The following PLG variants were observed in gnomAD, a reference collection of about 807,000 sequenced individuals.
PLG encodes plasmin.
Under a neutral mutation model 104.4 loss-of-function variants are expected in PLG, and 41 were observed. That is an observed-to-expected ratio of 0.39 (90% CI 0.31 to 0.51). The LOEUF is 0.51. PLG is among the 20% of genes least tolerant of loss of function. PLG has a pLI of 0.76. For missense variants in PLG, 891 were observed against 1,003.6 expected (o/e 0.89, Z 1.52); for synonymous variants, 337 against 357.1 (o/e 0.94, Z 0.63).
At position 160,753,109 on chromosome 6, in the gene PLG, G is replaced by A. The variant is rs150437480; in HGVS notation, c.*48G>A. 8.5e-4 allele frequency: 983 copies of A among 1,157,274 alleles called. 14 individuals are homozygous for A. In the East Asian group the frequency reaches 0.024, roughly 28 times the overall value. 71.7% of individuals were successfully genotyped at this position (1,157,274 alleles called of 1,614,324 possible). ...CACTGACTCACCTAGAGGCTGGAAC[G>A]TGGGTAGGGATTTAGCATGCTGGAA... On this transcript the variant is annotated 3_prime_UTR_variant, in exon 19 of 19. Coordinates refer to ENST00000308192, the MANE Select transcript of PLG (RefSeq NM_000301.5). The surrounding 1 kb of genome is among the most constrained non-coding windows in gnomAD (Gnocchi z 5.4).
chr6:160,722,057 C>G (rs751466829), intron 9 of PLG, among the ~76,000 whole-genome samples: 1 of 152,112 alleles, frequency 6.6e-6, no homozygotes, highest in Non-Finnish European at 1.5e-5. Flanking sequence ...CCACTGACAG[C>G]CACTCACCAC....
Position 160,737,598 on chromosome 6 carries a change from CT to C in PLG, c.1802+594del. Among the ~76,000 whole-genome samples, 1 of 152,300 alleles carries C rather than the reference CT, an allele frequency of 6.6e-6. No homozygotes were observed. Among genetic ancestry groups the C allele is most frequent in the Non-Finnish European group, 1.5e-5 (1 of 68,020 alleles). ...TGGGTATTGTTTCAGTGGAACATGC[CT>C]TTCATAAGTTCCATTTTCTTGGGTA... On this transcript the variant is annotated intron_variant, in intron 14 of 18. Coordinates refer to ENST00000308192, the MANE Select transcript of PLG (RefSeq NM_000301.5). The surrounding 1 kb of genome is among the most constrained non-coding windows in gnomAD (Gnocchi z 4.7).
rs1778254114 is a variant in PLG at position 160,744,923 on chromosome 6, T to C, written c.2125+3506T>C. Among the ~76,000 whole-genome samples the C allele has an allele frequency of 1.3e-5, 2 of 152,226 alleles. No homozygotes were observed. Among genetic ancestry groups the C allele is most frequent in the Non-Finnish European group, 1.5e-5 (1 of 68,034 alleles). On this transcript the variant is annotated intron_variant, in intron 17 of 18. Transcript: ENST00000308192. The surrounding 1 kb of genome is among the most constrained non-coding windows in gnomAD (Gnocchi z 4.5). ...AATTTCATTATTCACCCAAAAGTCA[T>C]TCAGGAGCATGTTGTTTGATTTCCA...
chr6:160,708,970 T>A (rs34126283), intron 3 of PLG, among the ~76,000 whole-genome samples: 46,130 of 147,834 alleles, frequency 0.31, 7,423 homozygotes, highest in Middle Eastern at 0.48. Flanking sequence ...TACCAGATTT[T>A]AAAAAAAAAA....
rs1777796920 is a variant in PLG at position 160,719,570 on chromosome 6, T to A, written c.1096+732T>A. 6.6e-6 allele frequency among the ~76,000 whole-genome samples: 1 copy of A among 152,254 alleles called. No homozygotes were observed. The highest frequency in any genetic ancestry group is 2.1e-4 in the South Asian group (1 of 4,836). Reference sequence around the variant, plus strand: ...CTACCATCAAGTTAGTTATTTCTCTTTGTCCCATTTAAACTTTGTTCCTTT... The same window carrying A: ...CTACCATCAAGTTAGTTATTTCTCTATGTCCCATTTAAACTTTGTTCCTTT... On this transcript the variant is annotated intron_variant, in intron 9 of 18. Coordinates refer to ENST00000308192, the MANE Select transcript of PLG (RefSeq NM_000301.5). This position sits in a 1 kb window ranked among gnomAD's most constrained non-coding sequence, Gnocchi z 4.1.
At position 160,736,896 on chromosome 6, in the gene PLG, C is replaced by T; in HGVS notation, c.1691C>T (p.Ser564Leu). 1 of 1,613,952 alleles carries T rather than the reference C, an allele frequency of 6.2e-7. No homozygotes were observed. Among genetic ancestry groups the T allele is most frequent in the Non-Finnish European group, 8.5e-7 (1 of 1,179,886 alleles). ...CCACCTTGTGCCACAGCGGCCCCTT[C>T]ATTTGATTGTGGGAAGCCTCAAGTG... is the stretch of plus-strand genomic sequence containing the variant. ...YCDVPQCAAP[S>L]FDCGKPQVEP... Residue 564 changes from serine (S) to leucine (L), a missense_variant, in exon 14 of 19, where the codon TCA (serine) becomes TTA (leucine). Around this residue, in one of 2 missense-constraint regions of PLG, gnomAD observed 854 missense variants for 932.1 expected, o/e 0.92. Coordinates refer to ENST00000308192, the MANE Select transcript of PLG (RefSeq NM_000301.5). This position sits in a 1 kb window ranked among gnomAD's most constrained non-coding sequence, Gnocchi z 5.2.
chr6:160,726,939 A>G lies in PLG; in HGVS notation c.1257-4112A>G, dbSNP rs78496749. ...GAAGGAAAGAATGAAAATCTGTGAAATCCAGTGTATAAGAATATAGACAAA... is the reference window on the plus strand; with the variant it reads ...GAAGGAAAGAATGAAAATCTGTGAAGTCCAGTGTATAAGAATATAGACAAA... On this transcript the variant is annotated intron_variant, in intron 10 of 18. Transcript: ENST00000308192. The surrounding 1 kb of genome is among the most constrained non-coding windows in gnomAD (Gnocchi z 4.4). Among the ~76,000 whole-genome samples, 2,872 of 152,082 alleles carry G rather than the reference A, an allele frequency of 0.019. 92 individuals carry two copies. Among genetic ancestry groups the G allele is most frequent in the African/African-American group, 0.066 (2,759 of 41,530 alleles).
chr6:160,724,361 A>G lies in PLG; in HGVS notation c.1256+1794A>G, dbSNP rs926734043. Among the ~76,000 whole-genome samples, 3 of 152,322 alleles carry G rather than the reference A, an allele frequency of 2.0e-5. No individual in the cohort carries two copies. Among genetic ancestry groups the G allele is most frequent in the Admixed American group, 2.0e-4 (3 of 15,302 alleles). On this transcript the variant is annotated intron_variant, in intron 10 of 18. Transcript: ENST00000308192. This position sits in a 1 kb window ranked among gnomAD's most constrained non-coding sequence, Gnocchi z 5.0. ...GGCTACCCTTACCATCAGGTTAGAC[A>G]TTACAGAAGAAAAAGTTAACTAGAA... is the stretch of plus-strand genomic sequence containing the variant.
intron 1 of PLG, among the ~76,000 whole-genome samples, chr6:160,704,573 T>C (rs1221021683): frequency 5.9e-5 from 9 of 152,190 alleles, no homozygotes; most frequent in Admixed American, 6.5e-5. Context: ...AGAGTTCAAG[T>C]TGGCAGAAAG....
chr6:160,725,849 G>A lies in PLG; in HGVS notation c.1256+3282G>A, dbSNP rs1055183656. Among the ~76,000 whole-genome samples the A allele has an allele frequency of 3.3e-5, 5 of 151,144 alleles. No individual in the cohort carries two copies. The highest frequency in any genetic ancestry group is 2.1e-4 in the South Asian group (1 of 4,824). ...AGTAATCTACAAGAAATAATACCACGATGAAAAAGTTATTTCTTAAGTAAA... is the reference window on the plus strand; with the variant it reads ...AGTAATCTACAAGAAATAATACCACAATGAAAAAGTTATTTCTTAAGTAAA... On this transcript the variant is annotated intron_variant, in intron 10 of 18. Transcript: ENST00000308192. This position sits in a 1 kb window ranked among gnomAD's most constrained non-coding sequence, Gnocchi z 6.3.
At position 160,723,332 on chromosome 6, in the gene PLG, A is replaced by G. The variant is rs1777876444; in HGVS notation, c.1256+765A>G. ...AGATGAACAGAAAACCAGGTCTAAC[A>G]AGGACAGCTTTTCTTCCATAAATGA... On this transcript the variant is annotated intron_variant, in intron 10 of 18. Transcript: ENST00000308192. The surrounding 1 kb of genome is among the most constrained non-coding windows in gnomAD (Gnocchi z 4.7). Among the ~76,000 whole-genome samples the G allele has an allele frequency of 6.6e-6, 1 of 152,224 alleles. No homozygotes were observed. Among genetic ancestry groups the G allele is most frequent in the South Asian group, 2.1e-4 (1 of 4,834 alleles).
Position 160,704,273 on chromosome 6 carries a change from G to C in PLG, c.49+1920G>C, listed in dbSNP as rs566783180. On this transcript the variant is annotated intron_variant, in intron 1 of 18. Coordinates refer to ENST00000308192, the MANE Select transcript of PLG (RefSeq NM_000301.5). ...TTTCAAACTGAAAAGAGAAAAGTTT[G>C]ATTCTGTTTTGGGATATTTCCTAGG... Among the ~76,000 whole-genome samples, 6 of 152,358 alleles carry C rather than the reference G, an allele frequency of 3.9e-5. 1 individual carries two copies. Among genetic ancestry groups the C allele is most frequent in the African/African-American group, 1.4e-4 (6 of 41,586 alleles).
In PLG at chr6:160,706,553, T is replaced by G; in HGVS notation, c.185+11T>G. The G allele has an allele frequency of 1.2e-6, 2 of 1,612,706 alleles. No homozygotes were observed. Among genetic ancestry groups the G allele is most frequent in the Non-Finnish European group, 1.7e-6 (2 of 1,178,906 alleles). On this transcript the variant is annotated intron_variant, in intron 2 of 18. Coordinates refer to ENST00000308192, the MANE Select transcript of PLG (RefSeq NM_000301.5). Reference sequence around the variant, plus strand: ...AGAATTCACCTGCAGGTATTTCCATTGTCGTTGCACCTACGCAGGAATCTG... The same window carrying G: ...AGAATTCACCTGCAGGTATTTCCATGGTCGTTGCACCTACGCAGGAATCTG...
intron 9 of PLG, among the ~76,000 whole-genome samples, chr6:160,721,004 G>A (rs1777819789): frequency 6.6e-6 from 1 of 151,774 alleles, no homozygotes; most frequent in Non-Finnish European, 1.5e-5. Context: ...CATCTCCTCA[G>A]CCCATTGAGA....
rs181894307 is a variant in PLG, at chr6:160,731,519, T to C, written c.1439-226T>C. ...GGTTATCTCAGTATCCCAGTCCAAA[T>C]TCGTATTCTATCATGCTGCCATATG... On this transcript the variant is annotated intron_variant, in intron 11 of 18. Transcript: ENST00000308192. This position sits in a 1 kb window ranked among gnomAD's most constrained non-coding sequence, Gnocchi z 5.1. Among the ~76,000 whole-genome samples, 6 of 152,288 alleles carry C rather than the reference T, an allele frequency of 3.9e-5. No homozygotes were observed. The South Asian group carries it at 6.2e-4, about 16-fold the overall frequency.
chr6:160,718,228 G>A, intron 7 of PLG, 66 bp from the exon 8 acceptor site: 1 of 1,413,128 alleles, frequency 7.1e-7, no homozygotes, highest in Non-Finnish European at 1.0e-6. Flanking sequence ...TCCAGCCTGG[G>A]CGACAGAGCG....
At position 160,731,914 on chromosome 6, in the gene PLG, C is replaced by T. The variant is rs771937064; in HGVS notation, c.1587+21C>T. 4 of 1,612,890 alleles carry T rather than the reference C, an allele frequency of 2.5e-6. No homozygotes were observed. Among genetic ancestry groups the T allele is most frequent in the Non-Finnish European group, 3.4e-6 (4 of 1,179,000 alleles). On this transcript the variant is annotated intron_variant, in intron 12 of 18. Transcript: ENST00000308192. This position sits in a 1 kb window ranked among gnomAD's most constrained non-coding sequence, Gnocchi z 5.1. ...AAAATGTAAGCCACTTTGATTTGGA[C>T]TCTTTGGCCTTTTGCTCACCAATCT... is the stretch of plus-strand genomic sequence containing the variant.
chr6:160,747,917 G>T (rs28402939), intron 17 of PLG, among the ~76,000 whole-genome samples: 31,514 of 152,116 alleles, frequency 0.21, 3,819 homozygotes, highest in Non-Finnish European at 0.28. Flanking sequence ...GTTTACAAAT[G>T]AGGAGCCTGA....
intron 5 of PLG, 43 bp from the exon 6 acceptor site, chr6:160,714,751 A>C: frequency 6.2e-7 from 1 of 1,607,892 alleles, no homozygotes; most frequent in Non-Finnish European, 8.5e-7. Context: ...CATCCATTTC[A>C]GTTTTCTTCT....
Sources: allele counts gnomAD v4.1 joint callset (sites outside exome capture counted in the v4.1 genomes callset), GRCh38; gene constraint gnomAD v4.1.1; regional missense constraint gnomAD v4.1.1; non-coding constraint Gnocchi (gnomAD v3.1); transcripts MANE v1.5; gene names NCBI Gene and HGNC (gene_info 2026-07-23, HGNC 2026-07-21).